The following CCND3 variants were observed in gnomAD, a reference collection of about 807,000 sequenced individuals.
The protein encoded by CCND3 is cyclin D3.
Under a neutral mutation model 28.7 loss-of-function variants are expected in CCND3, and 9 were observed. The observed-to-expected ratio is 0.31, with a 90% confidence interval of 0.19 to 0.55. CCND3 has a LOEUF of 0.55. CCND3 is among the 20% of genes least tolerant of loss of function. The probability of loss-of-function intolerance (pLI) is 0.93; values close to 1 mark genes in which losing one functional copy is unlikely to be tolerated. For missense variants in CCND3, 315 were observed against 385.8 expected, an observed-to-expected ratio of 0.82 and a Z score of 1.54; for synonymous variants, 164 against 163.9, an observed-to-expected ratio of 1.00 and a Z score of 0.00.
intron 1 of CCND3, among the ~76,000 whole-genome samples, chr6:41,981,515 G>A (rs180685554): frequency 1.4e-3 from 194 of 135,762 alleles, no homozygotes; most frequent in African/African-American, 4.8e-3. Context: ...GAGCCACCAC[G>A]CCCAGCCTAT....
At chr6:41,964,212 T>C (rs1761791190) in intron 1 of CCND3, among the ~76,000 whole-genome samples, 1 of 151,960 alleles carries the variant, frequency 6.6e-6, no homozygotes, top group Non-Finnish European at 1.5e-5. Context: ...TATTGGGGGG[T>C]TAAGGGTTTC....
chr6:42,039,660 A>G (rs1380074280), intron 1 of CCND3, among the ~76,000 whole-genome samples: 1 of 152,210 alleles, frequency 6.6e-6, no homozygotes, highest in Non-Finnish European at 1.5e-5. Flanking sequence ...TGTTTGCACC[A>G]TTGCCGCAGT....
At chr6:41,993,994 A>C (rs1762728607) in intron 1 of CCND3, among the ~76,000 whole-genome samples, 1 of 149,078 alleles carries the variant, frequency 6.7e-6, no homozygotes, top group African/African-American at 2.5e-5. Context: ...ACATAGAGAA[A>C]ACTTAAGTGG....
intron 1 of CCND3, among the ~76,000 whole-genome samples, chr6:41,995,418 C>T (rs1021062378): frequency 6.6e-6 from 1 of 151,978 alleles, no homozygotes; most frequent in Non-Finnish European, 1.5e-5. Flanking sequence ...CCACCACACC[C>T]GGCTAATTTT....
At chr6:41,993,907 A>G (rs1299413254) in intron 1 of CCND3, among the ~76,000 whole-genome samples, 1 of 143,842 alleles carries the variant, frequency 7.0e-6, no homozygotes, top group African/African-American at 2.6e-5. Context: ...TGGGTGACAG[A>G]GCGACAGACT....
rs554490762 is a variant in CCND3 at position 41,935,557 on chromosome 6, C to T, written c.*383G>A. The T allele has an allele frequency of 5.9e-5, 25 of 421,946 alleles. No homozygotes were observed. Among genetic ancestry groups the T allele is most frequent in the Non-Finnish European group, 9.8e-5 (23 of 234,816 alleles). The allele number at this position is 421,946 out of a possible 1,614,324, so 26.1% of individuals were successfully genotyped here. A position where few individuals can be genotyped will look rare whatever the true frequency, so the allele number is the denominator to read the frequency against. ...CCAAATGCAATAACCCTAGAAGGGACAACACCTTTAGAAGGCACTAGAGCA... is the reference window on the plus strand; with the variant it reads ...CCAAATGCAATAACCCTAGAAGGGATAACACCTTTAGAAGGCACTAGAGCA... On this transcript the variant is annotated 3_prime_UTR_variant, in exon 5 of 5. Coordinates refer to ENST00000372991, the MANE Select transcript of CCND3 (RefSeq NM_001760.5).
chr6:41,968,177 A>G (rs1389505131), intron 1 of CCND3, among the ~76,000 whole-genome samples: 1 of 152,178 alleles, frequency 6.6e-6, no homozygotes, highest in Non-Finnish European at 1.5e-5. Context: ...CATCAATTCA[A>G]TGAATCACTG....
At chr6:42,030,909 G>A (rs1351590531) in intron 1 of CCND3, among the ~76,000 whole-genome samples, 1 of 152,086 alleles carries the variant, frequency 6.6e-6, no homozygotes, top group Non-Finnish European at 1.5e-5. Flanking sequence ...TGGGAACACT[G>A]AGTGTGCGTG....
At chr6:42,043,768 CCT>C (rs575630710) in intron 1 of CCND3, among the ~76,000 whole-genome samples, 252 of 152,290 alleles carry the variant, frequency 1.7e-3, no homozygotes, top group African/African-American at 5.8e-3. Context: ...TGGCTCTGTG[CCT>C]CTCTAAAGGT....
At chr6:41,993,901 T>G (rs2127417428) in intron 1 of CCND3, among the ~76,000 whole-genome samples, 2 of 140,560 alleles carry the variant, frequency 1.4e-5, no homozygotes, top group Admixed American at 7.6e-5. Context: ...CCAGCCTGGG[T>G]GACAGAGCGA....
At chr6:41,944,299 A>C (rs1268526832), upstream of CCND3, among the ~76,000 whole-genome samples, 1 of 152,048 alleles carries the variant, frequency 6.6e-6, no homozygotes, top group African/African-American at 2.4e-5. Context: ...ACGGCACATG[A>C]CCTTCCTTAA....
At chr6:42,029,688 T>C (rs750594259) in intron 1 of CCND3, among the ~76,000 whole-genome samples, 31 of 151,870 alleles carry the variant, frequency 2.0e-4, no homozygotes, top group Non-Finnish European at 4.3e-4. Context: ...AAATACAAAA[T>C]TAGCCAGGCA....
upstream of CCND3, among the ~76,000 whole-genome samples, chr6:41,944,600 T>C (rs1444443043): frequency 1.3e-5 from 2 of 152,142 alleles, no homozygotes; most frequent in Non-Finnish European, 2.9e-5. Context: ...TTTTGTATTT[T>C]CAGTAGATAC....
chr6:41,988,979 G>A (rs1336176559), intron 1 of CCND3, among the ~76,000 whole-genome samples: 1 of 151,872 alleles, frequency 6.6e-6, no homozygotes, highest in Non-Finnish European at 1.5e-5. Flanking sequence ...GATTACAGGC[G>A]TGAGCCACCT....
intron 1 of CCND3, among the ~76,000 whole-genome samples, chr6:42,015,781 G>C (rs4714549): frequency 0.78 from 117,793 of 151,928 alleles, 46,522 homozygotes; most frequent in Non-Finnish European, 0.85. Flanking sequence ...TGTGTACAAT[G>C]TGATATTTTG....
Position 41,941,568 on chromosome 6 carries a change from G to A in CCND3, c.82C>T (p.Leu28=), listed in dbSNP as rs1297466450. The change falls in exon 1 of 5, where the codon CTG becomes TTG. Residue 28 remains leucine (L), a synonymous_variant. Transcript: ENST00000372991. This position sits in a 1 kb window ranked among gnomAD's most constrained non-coding sequence, Gnocchi z 6.1. ...DPRLLGDQRV[L]QSLLRLEERY... Reference sequence around the variant, plus strand: ...TCCTCCAGGCGGAGCAGGCTCTGCAGGACACGCTGGTCCCCCAGCAGCCGC... The same window carrying A: ...TCCTCCAGGCGGAGCAGGCTCTGCAAGACACGCTGGTCCCCCAGCAGCCGC... The A allele has an allele frequency of 1.3e-6, 2 of 1,572,810 alleles. No homozygotes were observed. The highest frequency in any genetic ancestry group is 4.7e-5 in the East Asian group (2 of 42,954).
In CCND3 at chr6:42,044,841, T is replaced by C. The variant is rs1022512773; in HGVS notation, c.-46+3660A>G. ...TCTCACTCTGTTGCCCAGGCTGGAG[T>C]GCGATGGCGTGATCTTGGCTCACTG... On this transcript the variant is annotated intron_variant, in intron 1 of 4. Transcript: ENST00000372988. 6.6e-5 allele frequency among the ~76,000 whole-genome samples: 10 copies of C among 150,402 alleles called. No individual in the cohort carries two copies. The South Asian group carries it at 2.1e-3, about 31-fold the overall frequency.
intron 1 of CCND3, among the ~76,000 whole-genome samples, chr6:41,959,641 T>C (rs1761650209): frequency 7.0e-6 from 1 of 142,134 alleles, no homozygotes; most frequent in South Asian, 2.3e-4. Context: ...TGAGCCGAGA[T>C]TGCGCCACTG....
chr6:41,953,258 C>T (rs9296369), intron 1 of CCND3, among the ~76,000 whole-genome samples: 47,506 of 119,678 alleles, frequency 0.4, 8,416 homozygotes, highest in African/African-American at 0.52. Flanking sequence ...GAGTGAGACT[C>T]CCTCTCACAA....
Sources: allele counts gnomAD v4.1 joint callset (sites outside exome capture counted in the v4.1 genomes callset), GRCh38; gene constraint gnomAD v4.1.1; non-coding constraint Gnocchi (gnomAD v3.1); transcripts MANE v1.5; gene names NCBI Gene and HGNC (gene_info 2026-07-23, HGNC 2026-07-21).